TPD52: variants seen among roughly 807,000 people sequenced by gnomAD.
TPD52 encodes tumor protein D52, also known as prostate and colon associated protein.
Under a neutral mutation model 31.3 loss-of-function variants are expected in TPD52, and 17 were observed. That is an observed-to-expected ratio of 0.54 (90% CI 0.37 to 0.82). The LOEUF is 0.82. TPD52 is among the 40% of genes least tolerant of loss of function. The pLI is 0.00. For synonymous variants in TPD52, 83 were observed against 89.6 expected (o/e 0.93, Z 0.42); for missense variants, 212 against 240.1 (o/e 0.88, Z 0.77).
At chr8:80,068,269 T>C (rs1813387111) in intron 1 of TPD52, among the ~76,000 whole-genome samples, 1 of 152,152 alleles carries the variant, frequency 6.6e-6, no homozygotes, top group African/African-American at 2.4e-5. Context: ...TCTAAGGCTA[T>C]ATAATTTGCC....
chr8:80,068,634 G>A (rs1460634568), intron 1 of TPD52, among the ~76,000 whole-genome samples: 1 of 152,182 alleles, frequency 6.6e-6, no homozygotes, highest in African/African-American at 2.4e-5. Flanking sequence ...AGGTGGGGGA[G>A]TGACAAGTCT....
intron 2 of TPD52, among the ~76,000 whole-genome samples, chr8:80,061,385 C>CCCCCCCCCA (rs1484546324): frequency 9.8e-6 from 1 of 102,088 alleles, no homozygotes; most frequent in Non-Finnish European, 2.0e-5. Flanking sequence ...CCGCCCCCCC[C>CCCCCCCCCA]AAAAAAAAAA....
chr8:80,035,025 G>T lies in TPD52; in HGVS notation c.*3091C>A, dbSNP rs1371090542. 6.6e-6 allele frequency: 1 copy of T among 152,160 alleles called. No individual in the cohort carries two copies. Among genetic ancestry groups the T allele is most frequent in the Non-Finnish European group, 1.5e-5 (1 of 68,038 alleles). 9.4% of individuals were successfully genotyped at this position (152,160 alleles called of 1,614,324 possible). A position where few individuals can be genotyped will look rare whatever the true frequency, so the allele number is the denominator to read the frequency against. Reference sequence around the variant, plus strand: ...AAATTATGAAATCTAAGATGTGCAGGTTTACTTAAAAGTGATAATGGTTTA... The same window carrying T: ...AAATTATGAAATCTAAGATGTGCAGTTTTACTTAAAAGTGATAATGGTTTA... On this transcript the variant is annotated 3_prime_UTR_variant, in exon 8 of 8. Transcript: ENST00000518937.
intron 1 of TPD52, among the ~76,000 whole-genome samples, chr8:80,130,435 A>G (rs1381007232): frequency 6.6e-6 from 1 of 152,108 alleles, no homozygotes; most frequent in East Asian, 1.9e-4. Flanking sequence ...ATTTCTTCCT[A>G]CCAGTCCCAT....
At chr8:80,097,248 A>G (rs1806404430) in intron 1 of TPD52, among the ~76,000 whole-genome samples, 1 of 152,250 alleles carries the variant, frequency 6.6e-6, no homozygotes, top group African/African-American at 2.4e-5. Flanking sequence ...TGAAGCTAGC[A>G]GAGGTTGGTT....
intron 1 of TPD52, among the ~76,000 whole-genome samples, chr8:80,102,674 T>C (rs1334985544): frequency 1.3e-5 from 2 of 152,170 alleles, no homozygotes; most frequent in Non-Finnish European, 1.5e-5. Flanking sequence ...CTTTGGAATC[T>C]CCAGAGTGAT....
At chr8:80,099,667 C>T (rs1041148956) in intron 1 of TPD52, among the ~76,000 whole-genome samples, 3 of 152,034 alleles carry the variant, frequency 2.0e-5, no homozygotes, top group Non-Finnish European at 4.4e-5. Flanking sequence ...CGTGACACCA[C>T]GCCCAGCTAA....
intron 1 of TPD52, among the ~76,000 whole-genome samples, chr8:80,106,260 T>C (rs1480321817): frequency 6.6e-6 from 1 of 152,146 alleles, no homozygotes; most frequent in Non-Finnish European, 1.5e-5. Context: ...ACAATCCAAT[T>C]ATATTCTTAG....
intron 1 of TPD52, among the ~76,000 whole-genome samples, chr8:80,137,603 G>C (rs913605344): frequency 6.6e-6 from 1 of 152,184 alleles, no homozygotes; most frequent in African/African-American, 2.4e-5. Context: ...TAGGCTAAGA[G>C]AGTTTGAGTT....
chr8:80,150,860 G>A lies in TPD52; in HGVS notation c.19+20565C>T, dbSNP rs551500294. 4.6e-5 allele frequency among the ~76,000 whole-genome samples: 7 copies of A among 152,306 alleles called. No individual in the cohort carries two copies. The South Asian group carries it at 1.2e-3, about 27-fold the overall frequency. On this transcript the variant is annotated intron_variant, in intron 1 of 7. Transcript: ENST00000518937. ...CTTGTCTCAGATGAGACTTTAGACC[G>A]TGGACTTTTGAGTTAATGATGAAAT...
At position 80,058,011 on chromosome 8, in the gene TPD52, C is replaced by G. The variant is rs75912614; in HGVS notation, c.136-4581G>C. On this transcript the variant is annotated intron_variant, in intron 2 of 7. Coordinates refer to ENST00000518937, the MANE Select transcript of TPD52 (RefSeq NM_001025253.3). ...TGTTGTAATAATTAATGAAATAATG[C>G]ATGTAAAGAGCTCAGTTTAACGCCT... Among the ~76,000 whole-genome samples the G allele has an allele frequency of 2.2e-3, 341 of 152,098 alleles. 5 individuals are homozygous for G. In the East Asian group the frequency reaches 0.058, roughly 26 times the overall value.
chr8:80,088,592 C>G (rs559422173), intron 1 of TPD52, among the ~76,000 whole-genome samples: 2 of 152,058 alleles, frequency 1.3e-5, no homozygotes, highest in Non-Finnish European at 2.9e-5. Flanking sequence ...GCTGGACTGC[C>G]GAGGGGAGAG....
At chr8:80,080,648 AC>A in intron 1 of TPD52, 1 of 1,314,208 alleles carries the variant, frequency 7.6e-7, no homozygotes, top group African/African-American at 1.5e-5. Context: ...TGATAAGCAG[AC>A]CTATTTAATA....
intron 1 of TPD52, among the ~76,000 whole-genome samples, chr8:80,123,344 T>G (rs904067081): frequency 3.3e-5 from 5 of 151,442 alleles, no homozygotes; most frequent in African/African-American, 1.2e-4. Context: ...AATGAGTGTA[T>G]GTAGAGGCTG....
intron 1 of TPD52, among the ~76,000 whole-genome samples, chr8:80,069,914 C>G (rs1563594823): frequency 6.6e-6 from 1 of 152,196 alleles, no homozygotes; most frequent in Non-Finnish European, 1.5e-5. Flanking sequence ...CTGAACACAT[C>G]TCTAGTTCTA....
chr8:80,171,553 T>G lies in TPD52; in HGVS notation c.-110A>C. On this transcript the variant is annotated 5_prime_UTR_variant, in exon 1 of 8. Coordinates refer to ENST00000518937, the MANE Select transcript of TPD52 (RefSeq NM_001025253.3). ...GCTCCTCCTCGCCTCCGCCGGCGACTCCCGCGAAGTCCCCACCCCCAGAGG... is the reference window on the plus strand; with the variant it reads ...GCTCCTCCTCGCCTCCGCCGGCGACGCCCGCGAAGTCCCCACCCCCAGAGG... 3 of 1,329,656 alleles carry G rather than the reference T, an allele frequency of 2.3e-6. No individual in the cohort carries two copies. Among genetic ancestry groups the G allele is most frequent in the Non-Finnish European group, 2.9e-6 (3 of 1,031,902 alleles). 82.4% of individuals were successfully genotyped at this position (1,329,656 alleles called of 1,614,324 possible).
chr8:80,121,420 A>C (rs904519182), intron 1 of TPD52, among the ~76,000 whole-genome samples: 2 of 152,232 alleles, frequency 1.3e-5, no homozygotes, highest in Non-Finnish European at 2.9e-5. Flanking sequence ...CCATGGAGAC[A>C]GAATTTTCAC....
At chr8:80,147,321 G>A (rs547603672) in intron 1 of TPD52, among the ~76,000 whole-genome samples, 4 of 152,104 alleles carry the variant, frequency 2.6e-5, no homozygotes, top group African/African-American at 4.8e-5. Context: ...CCTCGCTGAC[G>A]GGATAGGAGA....
At chr8:80,104,984 T>C (rs981342469) in intron 1 of TPD52, among the ~76,000 whole-genome samples, 2 of 151,976 alleles carry the variant, frequency 1.3e-5, no homozygotes, top group African/African-American at 4.8e-5. Flanking sequence ...CACTTGAACC[T>C]GGGAGGCTGA....
Sources: gnomAD v4.1 joint callset for allele counts (sites outside exome capture counted in the v4.1 genomes callset) on GRCh38, gnomAD v4.1.1 for gene constraint, MANE v1.5 for transcripts, NCBI Gene and HGNC (gene_info 2026-07-23, HGNC 2026-07-21) for gene names.